ADAMTSL1: variants seen among roughly 807,000 people sequenced by gnomAD.
ADAMTSL1 encodes ADAMTS-like protein 1.
ADAMTSL1 carries 126 observed loss-of-function variants against 201.8 expected under a neutral mutation model. The ratio of observed to expected loss-of-function variants is 0.62; its 90% confidence interval spans 0.54 to 0.72. The LOEUF is 0.72. ADAMTSL1 is among the 30% of genes least tolerant of loss of function. The pLI, the probability that ADAMTSL1 is intolerant of heterozygous loss-of-function variation, is 0.00. For missense variants in ADAMTSL1, 2,679 were observed against 2,277.8 expected (o/e 1.18, Z -3.59); for synonymous variants, 1,121 against 903.4 (o/e 1.24, Z -4.32).
intron 1 of ADAMTSL1, among the ~76,000 whole-genome samples, chr9:17,997,460 T>G (rs1819430296): frequency 6.6e-6 from 1 of 152,076 alleles, no homozygotes; most frequent in Non-Finnish European, 1.5e-5. Context: ...TCCTAAACAC[T>G]CTAGCCAGAA....
intron 2 of ADAMTSL1, among the ~76,000 whole-genome samples, chr9:18,243,468 C>G (rs1381718902): frequency 1.3e-5 from 2 of 152,062 alleles, no homozygotes; most frequent in African/African-American, 4.8e-5. Flanking sequence ...GTTTTATCAG[C>G]TCTCCTCACA....
chr9:18,437,388 T>C (rs1055881795), intron 2 of ADAMTSL1, among the ~76,000 whole-genome samples: 1 of 152,142 alleles, frequency 6.6e-6, no homozygotes, highest in African/African-American at 2.4e-5. Context: ...GATTTGTCCC[T>C]CCAGTTTCTT....
At chr9:18,664,395 C>G (rs1399489100) in intron 9 of ADAMTSL1, among the ~76,000 whole-genome samples, 1 of 149,390 alleles carries the variant, frequency 6.7e-6, no homozygotes, top group Non-Finnish European at 1.5e-5. Flanking sequence ...TTTTCTCACT[C>G]AGATTTAATG....
intron 1 of ADAMTSL1, among the ~76,000 whole-genome samples, chr9:17,924,095 T>G (rs1222634698): frequency 2.1e-5 from 3 of 145,098 alleles, no homozygotes; most frequent in Non-Finnish European, 3.0e-5. Context: ...TCTTTTTTGG[T>G]TGTGTCTCTG....
At chr9:17,983,944 C>G (rs551732086) in intron 1 of ADAMTSL1, among the ~76,000 whole-genome samples, 2 of 152,056 alleles carry the variant, frequency 1.3e-5, no homozygotes, top group Non-Finnish European at 2.9e-5. Flanking sequence ...TTAAAAAATA[C>G]ATTACTTGGT....
At chr9:18,097,138 T>A (rs973325356) in intron 1 of ADAMTSL1, among the ~76,000 whole-genome samples, 5 of 152,208 alleles carry the variant, frequency 3.3e-5, no homozygotes, top group African/African-American at 4.8e-5. Context: ...CAAGCCAACA[T>A]CACTAGATTA....
intron 2 of ADAMTSL1, among the ~76,000 whole-genome samples, chr9:18,356,637 A>C (rs942780341): frequency 2.7e-5 from 4 of 146,920 alleles, no homozygotes; most frequent in African/African-American, 7.5e-5. Context: ...ACACACACAC[A>C]ACTTTCCTAC....
chr9:18,052,107 T>C (rs904615875), intron 1 of ADAMTSL1, among the ~76,000 whole-genome samples: 2 of 152,222 alleles, frequency 1.3e-5, no homozygotes, highest in Non-Finnish European at 2.9e-5. Context: ...GGGTCCACAG[T>C]CTTCACCTTC....
intron 7 of ADAMTSL1, among the ~76,000 whole-genome samples, chr9:18,653,184 G>T (rs755309947): frequency 6.6e-6 from 1 of 152,146 alleles, no homozygotes; most frequent in Non-Finnish European, 1.5e-5. Context: ...CAGAGAACTG[G>T]TTCCTCATCT....
intron 2 of ADAMTSL1, among the ~76,000 whole-genome samples, chr9:18,256,021 C>G (rs1301685000): frequency 6.6e-6 from 1 of 152,216 alleles, no homozygotes; most frequent in Non-Finnish European, 1.5e-5. Context: ...CTTTGGCAAT[C>G]TTCCTTGTTT....
At chr9:18,175,024 A>AAAAG (rs546750098) in intron 2 of ADAMTSL1, among the ~76,000 whole-genome samples, 9 of 152,166 alleles carry the variant, frequency 5.9e-5, no homozygotes, top group Non-Finnish European at 1.3e-4. Flanking sequence ...TGCTAAGAGA[A>AAAAG]AATATCTGTA....
intron 15 of ADAMTSL1, among the ~76,000 whole-genome samples, chr9:18,732,547 C>T (rs924664819): frequency 6.6e-6 from 1 of 152,142 alleles, no homozygotes; most frequent in Admixed American, 6.6e-5. Flanking sequence ...GGTCCTTTGA[C>T]AAGAGGTGTG....
chr9:17,939,820 T>A (rs1161033220), intron 1 of ADAMTSL1, among the ~76,000 whole-genome samples: 2 of 152,178 alleles, frequency 1.3e-5, no homozygotes, highest in African/African-American at 2.4e-5. Context: ...GTATAAATTA[T>A]GGTAGAGTAT....
chr9:18,865,060 T>G (rs1827427359), intron 23 of ADAMTSL1, among the ~76,000 whole-genome samples: 1 of 152,176 alleles, frequency 6.6e-6, no homozygotes, highest in Admixed American at 6.5e-5. Flanking sequence ...TTAATTATAC[T>G]TGAAGTTCTA....
chr9:18,616,547 TATTC>T (rs1314067787), intron 4 of ADAMTSL1, among the ~76,000 whole-genome samples: 2 of 151,490 alleles, frequency 1.3e-5, no homozygotes, highest in Non-Finnish European at 2.9e-5. Context: ...ATTACACAAA[TATTC>T]ATTGTCTACT....
intron 1 of ADAMTSL1, among the ~76,000 whole-genome samples, chr9:18,485,189 G>A (rs140389702): frequency 1.3e-5 from 2 of 152,028 alleles, no homozygotes; most frequent in African/African-American, 4.8e-5. Context: ...GTACAGATTC[G>A]AACCGAGGCA....
At chr9:18,644,300 G>C (rs1245552725) in intron 7 of ADAMTSL1, among the ~76,000 whole-genome samples, 1 of 151,886 alleles carries the variant, frequency 6.6e-6, no homozygotes, top group Non-Finnish European at 1.5e-5. Flanking sequence ...AATTTAAGCA[G>C]TGCATTGCTT....
chr9:18,590,343 A>G (rs1031303145), intron 4 of ADAMTSL1, among the ~76,000 whole-genome samples: 9 of 152,000 alleles, frequency 5.9e-5, no homozygotes, highest in African/African-American at 2.2e-4. Flanking sequence ...TTATATTTCT[A>G]TGGTGTCACC....
intron 3 of ADAMTSL1, among the ~76,000 whole-genome samples, chr9:18,568,197 T>C (rs116966114): frequency 0.02 from 3,052 of 152,258 alleles, 41 homozygotes; most frequent in Non-Finnish European, 0.031. Context: ...ATTGAAACAC[T>C]GATTTTTTTT....
Sources: gnomAD v4.1 joint callset for allele counts (sites outside exome capture counted in the v4.1 genomes callset) on GRCh38, gnomAD v4.1.1 for gene constraint, MANE v1.5 for transcripts, NCBI Gene and HGNC (gene_info 2026-07-23, HGNC 2026-07-21) for gene names.